The following TCEA1 variants were observed in gnomAD, a reference collection of about 807,000 sequenced individuals.
The protein encoded by TCEA1 is transcription elongation factor A protein 1.
A neutral mutation model predicts 43.8 loss-of-function variants in TCEA1; 21 were observed. The observed-to-expected ratio is 0.48, with a 90% CI of 0.34 to 0.69. The LOEUF (loss-of-function observed/expected upper bound fraction) is 0.69, where lower values mean the gene tolerates loss of function less well. TCEA1 is among the 30% of genes least tolerant of loss of function. The pLI is 0.01. For missense variants in TCEA1, 250 were observed against 365.1 expected (o/e 0.68, Z 2.57); for synonymous variants, 104 against 117.5 (o/e 0.88, Z 0.75).
chr8:53,970,254 T>A, intron 9 of TCEA1, 138 bp downstream of exon 9: 1 of 738,180 alleles, frequency 1.4e-6, no homozygotes, highest in South Asian at 1.5e-5. Context: ...CCATTACAAG[T>A]AGTCAGGGAG....
chr8:53,980,673 C>T (rs1803474939), intron 7 of TCEA1, among the ~76,000 whole-genome samples: 1 of 152,204 alleles, frequency 6.6e-6, no homozygotes, highest in Admixed American at 6.5e-5. Context: ...CTCTCTTCCT[C>T]TCCTTGGGCC....
intron 8 of TCEA1, among the ~76,000 whole-genome samples, chr8:53,974,516 T>G (rs879563416): frequency 0.067 from 564 of 8,406 alleles, 15 homozygotes; most frequent in Admixed American, 0.33. Flanking sequence ...CTGGTTTTTT[T>G]GGGGGGTAGT....
At chr8:53,969,290 A>C (rs1422310188) in intron 9 of TCEA1, among the ~76,000 whole-genome samples, 1 of 152,170 alleles carries the variant, frequency 6.6e-6, no homozygotes, top group Non-Finnish European at 1.5e-5. Context: ...GATCTATCTC[A>C]AAAAAATTAA....
intron 3 of TCEA1, among the ~76,000 whole-genome samples, chr8:53,996,794 T>A (rs1804065391): frequency 7.3e-6 from 1 of 137,308 alleles, no homozygotes; most frequent in African/African-American, 3.5e-5. Context: ...AGGGGTAAAA[T>A]TTATGCAAAT....
intron 2 of TCEA1, among the ~76,000 whole-genome samples, chr8:54,007,712 G>A (rs1804517883): frequency 6.6e-6 from 1 of 151,956 alleles, no homozygotes. Context: ...TCTCAATCAT[G>A]TTCACACACC....
chr8:54,006,405 G>A (rs978780279), intron 2 of TCEA1, among the ~76,000 whole-genome samples: 3 of 152,130 alleles, frequency 2.0e-5, no homozygotes, highest in South Asian at 2.1e-4. Context: ...CTTGAACCCG[G>A]GAGGTGGAGG....
intron 1 of TCEA1, among the ~76,000 whole-genome samples, chr8:54,020,221 T>A (rs1437915321): frequency 6.6e-6 from 1 of 152,194 alleles, no homozygotes; most frequent in African/African-American, 2.4e-5. Context: ...CCTGGGAGCT[T>A]CTACTGTGCA....
At chr8:53,998,999 C>T (rs556924157) in intron 3 of TCEA1, among the ~76,000 whole-genome samples, 15 of 152,120 alleles carry the variant, frequency 9.9e-5, no homozygotes, top group East Asian at 3.9e-4. Flanking sequence ...GAGGCCAAGG[C>T]GGGCAGATCA....
chr8:54,003,084 C>T (rs1563503132), intron 2 of TCEA1: 1 of 456,162 alleles, frequency 2.2e-6, no homozygotes, highest in Admixed American at 2.3e-5. Context: ...CTCAAGGTAG[C>T]CACTAAATCT....
chr8:54,005,309 A>T (rs1804404979), intron 2 of TCEA1, among the ~76,000 whole-genome samples: 1 of 152,228 alleles, frequency 6.6e-6, no homozygotes, highest in African/African-American at 2.4e-5. Context: ...AGTGCTCAAT[A>T]GCCTCATGTA....
chr8:53,973,221 T>C (rs1803219076), intron 8 of TCEA1: 6 of 472,632 alleles, frequency 1.3e-5, no homozygotes, highest in Middle Eastern at 6.3e-4. Flanking sequence ...TTGCAGGTTA[T>C]TCAAGAAAAA....
chr8:53,968,269 C>A (rs1803049017), intron 9 of TCEA1, among the ~76,000 whole-genome samples, 157 bp from the exon 10 acceptor site: 1 of 151,916 alleles, frequency 6.6e-6, no homozygotes, highest in Non-Finnish European at 1.5e-5. Flanking sequence ...ATCTTAAGTG[C>A]CTGACTTTCC....
At chr8:53,972,684 C>T (rs1803195717) in intron 8 of TCEA1, 1 of 634,268 alleles carries the variant, frequency 1.6e-6, no homozygotes, top group South Asian at 1.4e-5. Flanking sequence ...ATTAAGTGTT[C>T]CTGAAGATGC....
At chr8:53,969,776 G>C (rs539086517) in intron 9 of TCEA1, among the ~76,000 whole-genome samples, 58 of 152,198 alleles carry the variant, frequency 3.8e-4, no homozygotes, top group African/African-American at 1.2e-3. Context: ...CTATAATAAT[G>C]ATTAAAATGT....
chr8:54,013,680 CAAAAA>C (rs5891511), intron 1 of TCEA1, among the ~76,000 whole-genome samples: 4 of 65,298 alleles, frequency 6.1e-5, no homozygotes, highest in Admixed American at 4.6e-4. Context: ...AACTCCATCT[CAAAAA>C]AAAAAAAAAA....
At chr8:53,969,083 A>G (rs1211985881) in intron 9 of TCEA1, among the ~76,000 whole-genome samples, 1 of 152,176 alleles carries the variant, frequency 6.6e-6, no homozygotes, top group South Asian at 2.1e-4. Context: ...TGAGGTCAGG[A>G]GTTCAAGAGC....
intron 2 of TCEA1, chr8:54,002,789 G>C (rs767345153): frequency 7.2e-6 from 3 of 415,030 alleles, no homozygotes; most frequent in Non-Finnish European, 1.4e-5. Context: ...ACTAATGAAA[G>C]CTTTCAGGAC....
chr8:53,972,809 T>C (rs1803199067), intron 8 of TCEA1: 2 of 722,208 alleles, frequency 2.8e-6, no homozygotes, highest in Non-Finnish European at 5.3e-6. Context: ...GTAAAATTTA[T>C]GAGGATTGTG....
At chr8:53,994,075 G>A (rs1803968333) in intron 3 of TCEA1, among the ~76,000 whole-genome samples, 4 of 152,324 alleles carry the variant, frequency 2.6e-5, no homozygotes, top group South Asian at 2.1e-4. Context: ...AGCACAGGCC[G>A]GTGCAGTGGC....
Sources: gnomAD v4.1 joint callset for allele counts (sites outside exome capture counted in the v4.1 genomes callset) on GRCh38, gnomAD v4.1.1 for gene constraint, MANE v1.5 for transcripts, NCBI Gene and HGNC (gene_info 2026-07-23, HGNC 2026-07-21) for gene names.